The following MOSMO variants were observed in gnomAD, a reference collection of about 807,000 sequenced individuals.
The protein encoded by MOSMO is modulator of smoothened protein.
In MOSMO, 5 loss-of-function variants were observed where a neutral mutation model predicts 18.4. The observed-to-expected ratio is 0.27, with a 90% CI of 0.14 to 0.57. The LOEUF is 0.57. MOSMO is among the 20% of genes least tolerant of loss of function. MOSMO has a pLI of 0.92. For missense variants in MOSMO, 138 were observed against 211.8 expected, an observed-to-expected ratio of 0.65 and a Z score of 2.16; for synonymous variants, 82 against 82.3, an observed-to-expected ratio of 1.00 and a Z score of 0.02.
At chr16:22,086,586 C>A (rs565974266), downstream of MOSMO, among the ~76,000 whole-genome samples, 1 of 152,266 alleles carries the variant, frequency 6.6e-6, no homozygotes, top group African/African-American at 2.4e-5. Flanking sequence ...TTGTGTGACC[C>A]TTAGTAAATC....
chr16:22,050,115 G>A (rs1419903506), intron 1 of MOSMO, among the ~76,000 whole-genome samples: 1 of 152,108 alleles, frequency 6.6e-6, no homozygotes, highest in Non-Finnish European at 1.5e-5. Flanking sequence ...AATTGACTTG[G>A]ATCCTGCCTG....
Position 22,083,420 on chromosome 16 carries a change from G to A in MOSMO, c.*2540G>A. 3.8e-6 allele frequency: 1 copy of A among 261,604 alleles called. No individual in the cohort carries two copies. Among genetic ancestry groups the A allele is most frequent in the South Asian group, 4.0e-5 (1 of 25,172 alleles). The allele number at this position is 261,604 out of a possible 1,614,324, so 16.2% of individuals were successfully genotyped here. ...ACCCAGGATTAAACCATCCCATCAA[G>A]TAGTATGTGAAGTCAAGTCTTCGTA... On this transcript the variant is annotated 3_prime_UTR_variant, in exon 3 of 3. Coordinates refer to ENST00000542527, the MANE Select transcript of MOSMO (RefSeq NM_001164579.2).
At chr16:22,015,868 C>T (rs1283364153) in intron 1 of MOSMO, among the ~76,000 whole-genome samples, 1 of 152,022 alleles carries the variant, frequency 6.6e-6, no homozygotes, top group Non-Finnish European at 1.5e-5. Flanking sequence ...AGAACATGAA[C>T]AGCAGGCATG....
At chr16:22,079,117 G>A (rs1333989550) in intron 2 of MOSMO, among the ~76,000 whole-genome samples, 1 of 152,152 alleles carries the variant, frequency 6.6e-6, no homozygotes, top group Non-Finnish European at 1.5e-5. Context: ...ATTCCTTCTG[G>A]AAGGGGTTCC....
intron 1 of MOSMO, chr16:22,064,284 T>C (rs1441214151): frequency 2.2e-6 from 1 of 456,230 alleles, no homozygotes; most frequent in East Asian, 6.9e-5. Flanking sequence ...TCCACAGTAC[T>C]TTTCTGGCCA....
intron 1 of MOSMO, among the ~76,000 whole-genome samples, chr16:22,040,684 G>A (rs1175442474): frequency 1.3e-5 from 2 of 152,166 alleles, no homozygotes; most frequent in African/African-American, 4.8e-5. Context: ...GTTTAAAGAA[G>A]CAATAGAACA....
At chr16:22,021,626 T>C (rs1003419584) in intron 1 of MOSMO, among the ~76,000 whole-genome samples, 10 of 152,104 alleles carry the variant, frequency 6.6e-5, no homozygotes, top group African/African-American at 1.9e-4. Flanking sequence ...GATGAAACCC[T>C]GTGTCTACAA....
At chr16:22,064,497 T>C (rs1381660352) in intron 1 of MOSMO, 2 of 441,250 alleles carry the variant, frequency 4.5e-6, no homozygotes, top group East Asian at 1.4e-4. Context: ...CTAATTGAAA[T>C]GGAATAGAAA....
chr16:22,033,759 G>T (rs1169471828), intron 1 of MOSMO, among the ~76,000 whole-genome samples: 2 of 151,908 alleles, frequency 1.3e-5, no homozygotes, highest in Non-Finnish European at 2.9e-5. Context: ...GGCGGAGCTT[G>T]CAGTGAGCCG....
chr16:22,026,926 TA>T (rs143088425), intron 1 of MOSMO, among the ~76,000 whole-genome samples: 11,646 of 152,268 alleles, frequency 0.076, 637 homozygotes, highest in South Asian at 0.25. Flanking sequence ...CTGTTTTTTT[TA>T]AATTACAGTG....
chr16:22,027,088 T>C (rs533409697), intron 1 of MOSMO, among the ~76,000 whole-genome samples: 70 of 152,358 alleles, frequency 4.6e-4, no homozygotes, highest in Non-Finnish European at 7.2e-4. Context: ...AGGATTTCAA[T>C]ATAATTTTAA....
chr16:22,051,154 A>G (rs1249274567), intron 1 of MOSMO, among the ~76,000 whole-genome samples: 1 of 152,156 alleles, frequency 6.6e-6, no homozygotes, highest in Non-Finnish European at 1.5e-5. Flanking sequence ...TTGGGAGGCC[A>G]AGACAGGTGA....
chr16:22,014,982 T>C (rs1899608375), intron 1 of MOSMO, among the ~76,000 whole-genome samples: 1 of 152,198 alleles, frequency 6.6e-6, no homozygotes, highest in South Asian at 2.1e-4. Context: ...ATTTAAAGTA[T>C]ACAAATAAAG....
intron 1 of MOSMO, among the ~76,000 whole-genome samples, chr16:22,016,854 A>G (rs1899648757): frequency 6.6e-6 from 1 of 152,208 alleles, no homozygotes; most frequent in Non-Finnish European, 1.5e-5. Flanking sequence ...CCTGTGGGTT[A>G]AAGAATATTA....
At chr16:22,043,209 T>C (rs1347339951) in intron 1 of MOSMO, among the ~76,000 whole-genome samples, 3 of 152,228 alleles carry the variant, frequency 2.0e-5, no homozygotes, top group African/African-American at 7.2e-5. Context: ...ATTAGGTTGC[T>C]AGCATGACAC....
At chr16:22,060,201 C>G (rs1900614651) in intron 1 of MOSMO, among the ~76,000 whole-genome samples, 1 of 151,836 alleles carries the variant, frequency 6.6e-6, no homozygotes, top group Admixed American at 6.6e-5. Context: ...AAATTGGACT[C>G]AAAATATAAA....
At chr16:22,023,854 G>A (rs1899814821) in intron 1 of MOSMO, among the ~76,000 whole-genome samples, 5 of 151,806 alleles carry the variant, frequency 3.3e-5, no homozygotes, top group Admixed American at 2.6e-4. Flanking sequence ...TCTTTTGACT[G>A]TATTGATACA....
intron 2 of MOSMO, among the ~76,000 whole-genome samples, chr16:22,079,027 C>T (rs917076997): frequency 2.0e-5 from 3 of 152,128 alleles, no homozygotes; most frequent in Admixed American, 1.3e-4. Flanking sequence ...CTACCTAAAT[C>T]GTACAAGTAA....
chr16:22,092,478 A>C (rs752609988), downstream of MOSMO: 17 of 792,014 alleles, frequency 2.1e-5, no homozygotes, highest in Non-Finnish European at 3.1e-5. Context: ...CCCGAGCTGC[A>C]GTGGTGCAGT....
Sources: gnomAD v4.1 joint callset for allele counts (sites outside exome capture counted in the v4.1 genomes callset) on GRCh38, gnomAD v4.1.1 for gene constraint, MANE v1.5 for transcripts, NCBI Gene and HGNC (gene_info 2026-07-23, HGNC 2026-07-21) for gene names.